The following ZMYM6 variants were observed in gnomAD, a reference collection of about 807,000 sequenced individuals.
ZMYM6 encodes zinc finger MYM-type protein 6.
A neutral mutation model predicts 134.0 loss-of-function variants in ZMYM6; 90 were observed. The observed-to-expected ratio is 0.67, with a 90% CI of 0.57 to 0.80. ZMYM6 has a LOEUF of 0.80. Ranked by LOEUF, ZMYM6 falls within the 30% of genes least tolerant of loss-of-function variation. The pLI, the probability that ZMYM6 is intolerant of heterozygous loss-of-function variation, is 0.00. For synonymous variants in ZMYM6, 481 were observed against 524.1 expected, an observed-to-expected ratio of 0.92 and a Z score of 1.12; for missense variants, 1,362 against 1,533.9, an observed-to-expected ratio of 0.89 and a Z score of 1.87.
intron 4 of ZMYM6, 128 bp from the exon 5 acceptor site, chr1:35,015,290 C>T: frequency 1.1e-6 from 1 of 887,056 alleles, no homozygotes; most frequent in South Asian, 2.0e-5. Context: ...AAGGAATCTG[C>T]AAACCTGGGT....
chr1:35,017,341 G>A (rs1243387385), intron 4 of ZMYM6: 1 of 152,174 alleles, frequency 6.6e-6, no homozygotes, highest in East Asian at 1.9e-4. Context: ...CTTATACACA[G>A]ATGAAGTATT....
intron 2 of ZMYM6, among the ~76,000 whole-genome samples, chr1:35,023,464 T>A (rs556360206): frequency 6.6e-6 from 1 of 152,174 alleles, no homozygotes; most frequent in Non-Finnish European, 1.5e-5. Flanking sequence ...AATAAATACT[T>A]GCTAAATGAA....
intron 2 of ZMYM6, among the ~76,000 whole-genome samples, chr1:35,026,910 G>A (rs1002669711): frequency 1.1e-4 from 16 of 152,136 alleles, no homozygotes; most frequent in African/African-American, 3.6e-4. Context: ...GTGTGTCAAT[G>A]AAAGATGAGG....
At position 35,015,970 on chromosome 1, in the gene ZMYM6, C is replaced by T. The variant is rs1330068410; in HGVS notation, c.429-808G>A. ...CTTTTTTTTTTTTTTTTTTGTGAGA[C>T]GGAGTCTCGCTCTGCTGCCCAGGCT... On this transcript the variant is annotated intron_variant, in intron 4 of 15. Transcript: ENST00000357182. Among the ~76,000 whole-genome samples the T allele has an allele frequency of 1.3e-4, 17 of 129,036 alleles. 1 individual carries two copies. The South Asian group carries it at 3.9e-3, about 30-fold the overall frequency. The allele number at this position is 129,036 out of a possible 152,430, so 84.7% of individuals were successfully genotyped here. A position where few individuals can be genotyped will look rare whatever the true frequency, so the allele number is the denominator to read the frequency against.
chr1:35,005,368 G>A (rs1193833746), intron 12 of ZMYM6, 96 bp from the exon 13 acceptor site: 2 of 1,300,070 alleles, frequency 1.5e-6, no homozygotes, highest in African/African-American at 3.0e-5. Flanking sequence ...TAGTAACTAG[G>A]TTTTCAAGAA....
intron 14 of ZMYM6, among the ~76,000 whole-genome samples, chr1:34,993,696 T>C (rs577542207): frequency 1.3e-5 from 2 of 152,112 alleles, no homozygotes; most frequent in Non-Finnish European, 2.9e-5. Context: ...TAATTTTTTT[T>C]TTTTTGAGAC....
At position 34,986,831 on chromosome 1, in the gene ZMYM6, T is replaced by C. The variant is rs1489901375; in HGVS notation, c.*273A>G. On this transcript the variant is annotated 3_prime_UTR_variant, in exon 16 of 16. Coordinates refer to ENST00000357182, the MANE Select transcript of ZMYM6 (RefSeq NM_007167.4). Reference sequence around the variant, plus strand: ...CCAAGCTGTTTCAACATCCAGGTTGTGCTGTTACATTATAAACTGGGCTTC... The same window carrying C: ...CCAAGCTGTTTCAACATCCAGGTTGCGCTGTTACATTATAAACTGGGCTTC... 1 of 207,792 alleles carries C rather than the reference T, an allele frequency of 4.8e-6. No individual in the cohort carries two copies. The highest frequency in any genetic ancestry group is 1.0e-4 in the East Asian group (1 of 9,626). The allele number at this position is 207,792 out of a possible 1,614,324, so 12.9% of individuals were successfully genotyped here.
At chr1:34,998,854 G>A (rs1640831804) in intron 14 of ZMYM6, among the ~76,000 whole-genome samples, 1 of 152,128 alleles carries the variant, frequency 6.6e-6, no homozygotes. Flanking sequence ...CAAGAGAAAT[G>A]GCTCACACCT....
intron 4 of ZMYM6, 140 bp downstream of exon 4, chr1:35,019,213 G>C: frequency 1.6e-6 from 2 of 1,243,832 alleles, no homozygotes; most frequent in Non-Finnish European, 2.2e-6. Flanking sequence ...CTTTAAAATT[G>C]GTGAATTCTT....
rs1557575163 is a variant in ZMYM6 at position 35,010,820 on chromosome 1, TAAC to T, written c.1276_1278del (p.Val426del). Reference sequence around the variant, plus strand: ...TGGTTACAGTGCTGACACTTGAGTTTAACAACTGTATGGGTTAAAGCAACTTGC... The same window carrying T: ...TGGTTACAGTGCTGACACTTGAGTTTAACTGTATGGGTTAAAGCAACTTGC... On this transcript the variant is annotated inframe_deletion, in exon 9 of 16. Coordinates refer to ENST00000357182, the MANE Select transcript of ZMYM6 (RefSeq NM_007167.4). 3 of 1,605,460 alleles carry T rather than the reference TAAC, an allele frequency of 1.9e-6. No homozygotes were observed. The highest frequency in any genetic ancestry group is 1.1e-5 in the South Asian group (1 of 89,474).
At chr1:35,015,668 G>A (rs1381946921) in intron 4 of ZMYM6, among the ~76,000 whole-genome samples, 1 of 142,906 alleles carries the variant, frequency 7.0e-6, no homozygotes, top group East Asian at 2.2e-4. Context: ...AGGTTGCAGT[G>A]AGCCGAGATT....
intron 14 of ZMYM6, among the ~76,000 whole-genome samples, chr1:35,002,967 G>A (rs1003271733): frequency 6.6e-6 from 1 of 151,970 alleles, no homozygotes; most frequent in African/African-American, 2.4e-5. Context: ...GAGGCTAGGA[G>A]TTTGAGACTA....
At chr1:35,026,260 A>T (rs1641413619) in intron 2 of ZMYM6, among the ~76,000 whole-genome samples, 1 of 152,168 alleles carries the variant, frequency 6.6e-6, no homozygotes, top group Non-Finnish European at 1.5e-5. Flanking sequence ...ACCTCAAGGG[A>T]TCTGCCCACC....
intron 3 of ZMYM6, 141 bp from the exon 4 acceptor site, chr1:35,019,743 G>A: frequency 9.8e-7 from 1 of 1,018,866 alleles, no homozygotes; most frequent in East Asian, 2.7e-5. Context: ...TGCAATCAAG[G>A]CTCACTGAAG....
intron 15 of ZMYM6, 161 bp from the exon 16 acceptor site, chr1:34,989,096 T>C: frequency 7.1e-7 from 1 of 1,417,428 alleles, no homozygotes; most frequent in Non-Finnish European, 9.2e-7. Context: ...CTTCCAATGA[T>C]GCTACTGAAA....
At chr1:34,991,294 A>G (rs1341121392) in intron 15 of ZMYM6, among the ~76,000 whole-genome samples, 1 of 152,180 alleles carries the variant, frequency 6.6e-6, no homozygotes, top group African/African-American at 2.4e-5. Context: ...TGTATATAAT[A>G]TAAATTCAGG....
At chr1:35,023,015 G>A (rs1219947131) in intron 2 of ZMYM6, among the ~76,000 whole-genome samples, 1 of 152,150 alleles carries the variant, frequency 6.6e-6, no homozygotes, top group Admixed American at 6.5e-5. Flanking sequence ...CAACGGGGAG[G>A]GAGGGGGCAA....
intron 10 of ZMYM6, among the ~76,000 whole-genome samples, chr1:35,009,921 G>A (rs1222165380): frequency 6.6e-6 from 1 of 152,094 alleles, no homozygotes; most frequent in Non-Finnish European, 1.5e-5. Context: ...GAGTGACAGG[G>A]CAAGACCTTG....
chr1:35,003,042 G>A (rs1396705246), intron 14 of ZMYM6, among the ~76,000 whole-genome samples: 1 of 151,904 alleles, frequency 6.6e-6, no homozygotes, highest in Non-Finnish European at 1.5e-5. Flanking sequence ...AATAAGCTGT[G>A]TGTGGTGGCA....
Sources: gnomAD v4.1 joint callset for allele counts (sites outside exome capture counted in the v4.1 genomes callset) on GRCh38, gnomAD v4.1.1 for gene constraint, MANE v1.5 for transcripts, NCBI Gene and HGNC (gene_info 2026-07-23, HGNC 2026-07-21) for gene names.